PLCG1: variants seen among roughly 807,000 people sequenced by gnomAD.
The protein encoded by PLCG1 is 1-phosphatidylinositol 4,5-bisphosphate phosphodiesterase gamma-1.
In PLCG1, 71 loss-of-function variants were observed where a neutral mutation model predicts 177.8. That is an observed-to-expected ratio of 0.40 (90% CI 0.33 to 0.49). PLCG1 has a LOEUF of 0.49. Among genes scored for constraint, PLCG1 ranks in the 20% least tolerant of loss-of-function variants. PLCG1 has a pLI of 0.72. For synonymous variants in PLCG1, 658 were observed against 647.9 expected (o/e 1.02, Z -0.24); for missense variants, 1,281 against 1,709.0 (o/e 0.75, Z 4.42).
At chr20:41,170,714 T>TGA (rs2035871204) in intron 24 of PLCG1, 1 of 162,038 alleles carries the variant, frequency 6.2e-6, no homozygotes, top group Non-Finnish European at 1.3e-5. Flanking sequence ...AGGCCACTGG[T>TGA]GAGGGAGAGG....
At position 41,163,931 on chromosome 20, in the gene PLCG1, G is replaced by A; in HGVS notation, c.1021G>A (p.Gly341Arg). 2 of 1,614,042 alleles carry A rather than the reference G, an allele frequency of 1.2e-6. No homozygotes were observed. Among genetic ancestry groups the A allele is most frequent in the Non-Finnish European group, 1.7e-6 (2 of 1,179,982 alleles). ...TCCTTGCCTATCCAGGTACCTGACC[G>A]GGGACCAGTTCTCCAGTGAGTCCTC... is the stretch of plus-strand genomic sequence containing the variant. ...ISSSHNTYLT[G>R]DQFSSESSLE... The change falls in exon 11 of 32, where the codon GGG (glycine) becomes AGG (arginine). Residue 341 changes from glycine to arginine, a missense_variant. Gly to Arg is a moderately radical substitution (Grantham distance 125, BLOSUM62 -2). Transcript: ENST00000685551. This position sits in a 1 kb window ranked among gnomAD's most constrained non-coding sequence, Gnocchi z 5.2.
rs763335638 is a variant in PLCG1 at position 41,159,638 on chromosome 20, G to C, written c.250G>C (p.Gly84Arg). ...TCGTGAAATTAAGGAGATCCGCCCA[G>C]GGAAGACCTCACGGGACTTTGATCG... is the stretch of plus-strand genomic sequence containing the variant. ...DIREIKEIRPGKTSRDFDRYQ... is the reference protein window; with the variant it reads ...DIREIKEIRPRKTSRDFDRYQ... The change falls in exon 2 of 32, where the codon GGG becomes CGG. Residue 84 changes from glycine (G) to arginine (R), a missense_variant. Transcript: ENST00000685551. The surrounding 1 kb of genome is among the most constrained non-coding windows in gnomAD (Gnocchi z 6.0). 7 of 1,614,190 alleles carry C rather than the reference G, an allele frequency of 4.3e-6. No individual in the cohort carries two copies. The highest frequency in any genetic ancestry group is 5.9e-6 in the Non-Finnish European group (7 of 1,180,028).
In PLCG1 at chr20:41,165,848, C is replaced by G. The variant is rs368929453; in HGVS notation, c.1799+22C>G. On this transcript the variant is annotated intron_variant, in intron 16 of 31. Transcript: ENST00000685551. This position sits in a 1 kb window ranked among gnomAD's most constrained non-coding sequence, Gnocchi z 6.6. ...TCTGGTAACACTTCCCATGCAGATG[C>G]GTATGTTCAGTCAGCGTGTGTACAC... 3 of 1,544,822 alleles carry G rather than the reference C, an allele frequency of 1.9e-6. No homozygotes were observed. The highest frequency in any genetic ancestry group is 2.6e-6 in the Non-Finnish European group (3 of 1,136,654).
At chr20:41,142,333 T>C (rs1168186900) in intron 1 of PLCG1, among the ~76,000 whole-genome samples, 1 of 152,224 alleles carries the variant, frequency 6.6e-6, no homozygotes, top group African/African-American at 2.4e-5. Flanking sequence ...GAGACAGCTA[T>C]AGCCCTAGTG....
rs34183705 is a variant in PLCG1, at chr20:41,170,263, C to T, written c.2802C>T (p.Asp934=). 473 of 1,614,082 alleles carry T rather than the reference C, an allele frequency of 2.9e-4. 3 individuals carry two copies. The South Asian group carries it at 3.4e-3, about 12-fold the overall frequency. Residue 934 remains aspartate, a synonymous_variant, in exon 24 of 32, where the codon GAC becomes GAT. Coordinates refer to ENST00000685551, the MANE Select transcript of PLCG1 (RefSeq NM_002660.3). ...TCCGTGAAGTGGCCCAGACAGCAGA[C>T]GCCAGGGTGAGATTCTGCTGGAACC... ...KKIREVAQTA[D]ARLTEGKIME... is the part of the protein sequence containing the mutation.
rs2035411840 is a variant in PLCG1, at chr20:41,159,102, A to G, written c.218-504A>G. ...GGTGGGGATTAGGCCCCTTGCTGAG[A>G]CTTGTGTGGGGATGGCTTTAGCAGT... On this transcript the variant is annotated intron_variant, in intron 1 of 31. Coordinates refer to ENST00000685551, the MANE Select transcript of PLCG1 (RefSeq NM_002660.3). This position sits in a 1 kb window ranked among gnomAD's most constrained non-coding sequence, Gnocchi z 6.0. Among the ~76,000 whole-genome samples the G allele has an allele frequency of 6.6e-6, 1 of 152,036 alleles. No homozygotes were observed. The highest frequency in any genetic ancestry group is 1.5e-5 in the Non-Finnish European group (1 of 67,978).
chr20:41,160,216 G>T lies in PLCG1; in HGVS notation c.512+63G>T. 6.8e-7 allele frequency: 1 copy of T among 1,464,156 alleles called. No homozygotes were observed. Among genetic ancestry groups the T allele is most frequent in the South Asian group, 1.1e-5 (1 of 88,056 alleles). The allele number at this position is 1,464,156 out of a possible 1,614,324, so 90.7% of individuals were successfully genotyped here. On this transcript the variant is annotated intron_variant, in intron 4 of 31. Coordinates refer to ENST00000685551, the MANE Select transcript of PLCG1 (RefSeq NM_002660.3). The surrounding 1 kb of genome is among the most constrained non-coding windows in gnomAD (Gnocchi z 5.5). ...GGATGGGCATCCAGAACCTTAGCCA[G>T]GCCTCTAAGTAGCTGCCCGGAGAGC...
rs1322524868 is a variant in PLCG1, at chr20:41,156,998, A to G, written c.218-2608A>G. ...AGGATGTGGCTTTCAAGAACCTAGTAGAGCATCTCACTGTGCTGCCAGGGC... is the reference window on the plus strand; with the variant it reads ...AGGATGTGGCTTTCAAGAACCTAGTGGAGCATCTCACTGTGCTGCCAGGGC... On this transcript the variant is annotated intron_variant, in intron 1 of 31. Coordinates refer to ENST00000685551, the MANE Select transcript of PLCG1 (RefSeq NM_002660.3). The surrounding 1 kb of genome is among the most constrained non-coding windows in gnomAD (Gnocchi z 5.0). Among the ~76,000 whole-genome samples, 2 of 152,246 alleles carry G rather than the reference A, an allele frequency of 1.3e-5. No homozygotes were observed. Among genetic ancestry groups the G allele is most frequent in the East Asian group, 3.9e-4 (2 of 5,194 alleles).
At chr20:41,141,958 C>G (rs1269228773) in intron 1 of PLCG1, among the ~76,000 whole-genome samples, 1 of 152,204 alleles carries the variant, frequency 6.6e-6, no homozygotes, top group Non-Finnish European at 1.5e-5. Flanking sequence ...TGGGTAGCTT[C>G]TTGGAATGAG....
At position 41,163,467 on chromosome 20, in the gene PLCG1, C is replaced by T; in HGVS notation, c.879C>T (p.Phe293=). ...TACGAGAGATCGAGGAGCCATACTT[C>T]TTCCTGGATGAGGTGAGCCCGATGT... ...DPLREIEEPY[F]FLDEFVTFLF... The change falls in exon 9 of 32, where the codon TTC becomes TTT. Residue 293 remains phenylalanine (F), a synonymous_variant. Transcript: ENST00000685551. This position sits in a 1 kb window ranked among gnomAD's most constrained non-coding sequence, Gnocchi z 5.2. 6.2e-7 allele frequency: 1 copy of T among 1,608,654 alleles called. No homozygotes were observed. Among genetic ancestry groups the T allele is most frequent in the Non-Finnish European group, 8.5e-7 (1 of 1,176,152 alleles).
Position 41,163,008 on chromosome 20 carries a change from G to A in PLCG1, c.716+16G>A. The A allele has an allele frequency of 6.2e-7, 1 of 1,613,216 alleles. No individual in the cohort carries two copies. Among genetic ancestry groups the A allele is most frequent in the Non-Finnish European group, 8.5e-7 (1 of 1,179,174 alleles). ...GTACTCTGAGGTTTGGTTTGGAGTG[G>A]GGAGGTGGGGTTTTCCCTGGGCCCC... On this transcript the variant is annotated intron_variant, in intron 7 of 31. Transcript: ENST00000685551. The surrounding 1 kb of genome is among the most constrained non-coding windows in gnomAD (Gnocchi z 5.2).
rs1413038506 is a variant in PLCG1 at position 41,176,730 on chromosome 20, C to T, written c.*2221C>T. The T allele has an allele frequency of 1.3e-5, 2 of 152,236 alleles. No homozygotes were observed. Among genetic ancestry groups the T allele is most frequent in the East Asian group, 1.9e-4 (1 of 5,200 alleles). 9.4% of individuals were successfully genotyped at this position (152,236 alleles called of 1,614,324 possible). ...TTCTTCCTAGTGGAAAACGTGCCAACTCTCAAGCAAATTTAAAGATCATTT... is the reference window on the plus strand; with the variant it reads ...TTCTTCCTAGTGGAAAACGTGCCAATTCTCAAGCAAATTTAAAGATCATTT... On this transcript the variant is annotated 3_prime_UTR_variant, in exon 32 of 32. Transcript: ENST00000685551.
Position 41,166,774 on chromosome 20 carries a change from G to A in PLCG1, c.2216G>A (p.Ser739Asn), listed in dbSNP as rs34203315. 6.2e-7 allele frequency: 1 copy of A among 1,614,102 alleles called. No individual in the cohort carries two copies. ...SEFDSLVDLI[S>N]YYEKHPLYRK... Reference sequence around the variant, plus strand: ...TTCGACAGCCTTGTTGACCTCATCAGCTACTATGAGAAACACCCGCTATAC... The same window carrying A: ...TTCGACAGCCTTGTTGACCTCATCAACTACTATGAGAAACACCCGCTATAC... Residue 739 changes from serine (S) to asparagine (N), a missense_variant, in exon 19 of 32, where the codon AGC (serine) becomes AAC (asparagine). Physicochemically the swap from Ser to Asn is conservative, Grantham distance 46. Transcript: ENST00000685551. This position sits in a 1 kb window ranked among gnomAD's most constrained non-coding sequence, Gnocchi z 8.6.
intron 1 of PLCG1, among the ~76,000 whole-genome samples, chr20:41,143,848 T>C (rs924831348): frequency 1.3e-5 from 2 of 152,196 alleles, no homozygotes; most frequent in African/African-American, 4.8e-5. Context: ...GTAAGAGATT[T>C]TATGTGAAAA....
At position 41,174,215 on chromosome 20, in the gene PLCG1, G is replaced by A. The variant is rs750042405; in HGVS notation, c.3737G>A (p.Arg1246Gln). ...GGCCAGCTGTTTCATGGCCGAGCCC[G>A]GGAAGGCTCCTTTGAATCCCGCTAC... ...ASGQLFHGRA[R>Q]EGSFESRYQQ... is the part of the protein sequence containing the mutation. Residue 1246 changes from arginine to glutamine, a missense_variant, in exon 31 of 32, where the codon CGG (arginine) becomes CAG (glutamine). By Grantham distance (43) the Arg-to-Gln change is conservative (BLOSUM62 1). This residue lies in a region of PLCG1 where 153 missense variants were observed against 153.2 expected (regional missense o/e 1.00). Coordinates refer to ENST00000685551, the MANE Select transcript of PLCG1 (RefSeq NM_002660.3). This position sits in a 1 kb window ranked among gnomAD's most constrained non-coding sequence, Gnocchi z 5.8. The A allele has an allele frequency of 3.9e-5, 63 of 1,614,022 alleles. No homozygotes were observed. Among genetic ancestry groups the A allele is most frequent in the Admixed American group, 1.2e-4 (7 of 60,006 alleles).
At chr20:41,168,069 GAT>G (rs2035762700) in intron 20 of PLCG1, 140 bp downstream of exon 20, 4 of 681,046 alleles carry the variant, frequency 5.9e-6, no homozygotes, top group Middle Eastern at 4.0e-4. Flanking sequence ...GGTTGTGAGA[GAT>G]GTGTGGTTGG....
At chr20:41,158,455 G>A (rs2035390843) in intron 1 of PLCG1, among the ~76,000 whole-genome samples, 1 of 152,152 alleles carries the variant, frequency 6.6e-6, no homozygotes, top group Admixed American at 6.5e-5. Flanking sequence ...TGATTTCTGG[G>A]CTGGAATGTC....
intron 1 of PLCG1, among the ~76,000 whole-genome samples, chr20:41,158,501 G>A (rs2035392555): frequency 6.6e-6 from 1 of 152,196 alleles, no homozygotes; most frequent in Admixed American, 6.5e-5. Flanking sequence ...TCCCTGTGCT[G>A]GAGAGTGTGT....
At position 41,166,042 on chromosome 20, in the gene PLCG1, GTTCATGTGACTGCCCACA is replaced by G; in HGVS notation, c.1800-151_1800-134del. ...GGTTCATTTGAAGCCCACACCTTTGGTTCATGTGACTGCCCACACCTGAGCTCCTCAGGAGATTGGCCT... is the reference window on the plus strand; with the variant it reads ...GGTTCATTTGAAGCCCACACCTTTGGCCTGAGCTCCTCAGGAGATTGGCCT... On this transcript the variant is annotated intron_variant, in intron 16 of 31. Transcript: ENST00000685551. The surrounding 1 kb of genome is among the most constrained non-coding windows in gnomAD (Gnocchi z 8.6). 2.8e-6 allele frequency: 2 copies of G among 716,894 alleles called. No individual in the cohort carries two copies. Among genetic ancestry groups the G allele is most frequent in the Non-Finnish European group, 4.5e-6 (2 of 441,752 alleles). The allele number at this position is 716,894 out of a possible 1,614,324, so 44.4% of individuals were successfully genotyped here. A position where few individuals can be genotyped will look rare whatever the true frequency, so the allele number is the denominator to read the frequency against.
Sources: gnomAD v4.1 joint callset for allele counts (sites outside exome capture counted in the v4.1 genomes callset) on GRCh38, gnomAD v4.1.1 for gene constraint, gnomAD v4.1.1 regional missense constraint, Gnocchi (gnomAD v3.1) non-coding constraint, MANE v1.5 for transcripts, NCBI Gene and HGNC (gene_info 2026-07-23, HGNC 2026-07-21) for gene names.